ABHD17C: variants seen among roughly 807,000 people sequenced by gnomAD.
The protein encoded by ABHD17C is abhydrolase domain containing 17C, depalmitoylase.
ABHD17C carries 11 observed loss-of-function variants against 27.9 expected under a neutral mutation model. The observed-to-expected ratio is 0.39, with a 90% confidence interval of 0.25 to 0.65. The LOEUF (loss-of-function observed/expected upper bound fraction) is 0.65. Ranked by LOEUF, ABHD17C falls within the 30% of genes least tolerant of loss-of-function variation. The pLI is 0.45. For missense variants in ABHD17C, 280 were observed against 470.2 expected (o/e 0.60, Z 3.74); for synonymous variants, 233 against 209.1 (o/e 1.11, Z -0.98).
intron 1 of ABHD17C, among the ~76,000 whole-genome samples, chr15:80,734,710 A>G (rs972480): frequency 0.92 from 140,404 of 152,256 alleles, 64,743 homozygotes; most frequent in East Asian, 0.97. Flanking sequence ...AAAGTATTAC[A>G]TTCTTTTGAA....
intron 1 of ABHD17C, among the ~76,000 whole-genome samples, chr15:80,732,572 G>T (rs141729092): frequency 6.6e-6 from 1 of 152,176 alleles, no homozygotes; most frequent in East Asian, 1.9e-4. Context: ...TAAAAAGGAC[G>T]GGGTGGGGGG....
intron 1 of ABHD17C, among the ~76,000 whole-genome samples, chr15:80,733,532 T>G (rs1248205463): frequency 6.6e-6 from 1 of 152,146 alleles, no homozygotes; most frequent in African/African-American, 2.4e-5. Flanking sequence ...CACCTAGAGT[T>G]CAAGGACTGG....
intron 2 of ABHD17C, among the ~76,000 whole-genome samples, chr15:80,751,175 C>T (rs1429302065): frequency 6.7e-6 from 1 of 149,514 alleles, no homozygotes; most frequent in African/African-American, 2.4e-5. Flanking sequence ...CATGGTGAAA[C>T]CCCGTCTCTA....
At chr15:80,751,246 G>T (rs536802985) in intron 2 of ABHD17C, among the ~76,000 whole-genome samples, 7 of 152,044 alleles carry the variant, frequency 4.6e-5, no homozygotes, top group African/African-American at 1.7e-4. Flanking sequence ...TGTAATCCCA[G>T]CTACTGGGGA....
rs914147043 is a variant in ABHD17C at position 80,695,810 on chromosome 15, C to A, written c.381C>A (p.Cys127Ter). The A allele has an allele frequency of 6.4e-7, 1 of 1,559,568 alleles. No individual in the cohort carries two copies. The highest frequency in any genetic ancestry group is 8.6e-7 in the Non-Finnish European group (1 of 1,162,404). Reference sequence around the variant, plus strand: ...GGCTCGGCTGCATGTTCGTGCGCTGCGCGCCCTCCAGCCGCTACACGCTGC... The same window carrying A: ...GGCTCGGCTGCATGTTCGTGCGCTGAGCGCCCTCCAGCCGCTACACGCTGC... ...DNRLGCMFVRCAPSSRYTLLF... is the reference protein window; with the variant it reads ...DNRLGCMFVR Residue 127 changes from cysteine (C) to a stop codon, truncating the protein, a stop_gained, in exon 1 of 3, where the codon TGC (cysteine) becomes TGA (stop). Coordinates refer to ENST00000258884, the MANE Select transcript of ABHD17C (RefSeq NM_021214.2). LOFTEE classifies it high-confidence loss of function. The surrounding 1 kb of genome is among the most constrained non-coding windows in gnomAD (Gnocchi z 4.3).
At chr15:80,704,574 G>A (rs1853317) in intron 1 of ABHD17C, 130,540 of 148,364 alleles carry the variant, frequency 0.88, 57,506 homozygotes, top group East Asian at 0.93. Flanking sequence ...CAAAAAAAAA[G>A]AAAAGAAAAG....
At chr15:80,729,404 A>G (rs1294638066) in intron 1 of ABHD17C, among the ~76,000 whole-genome samples, 2 of 152,192 alleles carry the variant, frequency 1.3e-5, no homozygotes, top group Admixed American at 1.3e-4. Flanking sequence ...ATTGTTTCAC[A>G]TTTTTCAATC....
chr15:80,749,949 T>C (rs1043671437), intron 2 of ABHD17C, among the ~76,000 whole-genome samples: 59 of 152,152 alleles, frequency 3.9e-4, no homozygotes, highest in Non-Finnish European at 1.9e-4. Context: ...GGTTAATTGA[T>C]TGAGCTCTAA....
chr15:80,738,453 G>A (rs747892581), intron 1 of ABHD17C, among the ~76,000 whole-genome samples: 13 of 152,054 alleles, frequency 8.5e-5, no homozygotes, highest in Non-Finnish European at 1.6e-4. Flanking sequence ...CAAACTGTGC[G>A]GGTTCACAAA....
chr15:80,739,522 C>T (rs1895177106), intron 1 of ABHD17C, among the ~76,000 whole-genome samples: 1 of 152,084 alleles, frequency 6.6e-6, no homozygotes, highest in Admixed American at 6.5e-5. Context: ...GCTTGGTGCC[C>T]TCCCCATGGT....
Position 80,695,544 on chromosome 15 carries a change from G to A in ABHD17C, c.115G>A (p.Glu39Lys). The change falls in exon 1 of 3, where the codon GAG becomes AAG. Residue 39 changes from glutamate to lysine, a missense_variant. Around this residue, in one of 2 missense-constraint regions of ABHD17C, gnomAD observed 74 missense variants for 75.5 expected, o/e 0.98. Transcript: ENST00000258884. This position sits in a 1 kb window ranked among gnomAD's most constrained non-coding sequence, Gnocchi z 4.3. ...CGCCAAGCTGGCCTTCCTGCCGCCC[G>A]AGCCCACCTACACGGTGCTGGCGCC... is the stretch of plus-strand genomic sequence containing the variant. ...IAAKLAFLPP[E>K]PTYTVLAPEQ... is the part of the protein sequence containing the mutation. 1.5e-6 allele frequency: 2 copies of A among 1,352,668 alleles called. No individual in the cohort carries two copies. Among genetic ancestry groups the A allele is most frequent in the Non-Finnish European group, 1.9e-6 (2 of 1,038,140 alleles). The allele number at this position is 1,352,668 out of a possible 1,614,324, so 83.8% of individuals were successfully genotyped here.
At chr15:80,712,753 A>G (rs904424359) in intron 1 of ABHD17C, among the ~76,000 whole-genome samples, 9 of 152,204 alleles carry the variant, frequency 5.9e-5, no homozygotes, top group African/African-American at 1.9e-4. Flanking sequence ...ATATGCCTAT[A>G]CTTCAAGTGT....
intron 1 of ABHD17C, among the ~76,000 whole-genome samples, chr15:80,711,009 T>G (rs947968791): frequency 6.6e-6 from 1 of 152,082 alleles, no homozygotes; most frequent in East Asian, 1.9e-4. Context: ...AGCAATAGAA[T>G]TTAAGTCTAG....
chr15:80,721,711 G>C (rs184317081), intron 1 of ABHD17C, among the ~76,000 whole-genome samples: 4 of 152,242 alleles, frequency 2.6e-5, no homozygotes, highest in African/African-American at 9.6e-5. Flanking sequence ...AACCAGGTTG[G>C]GTTTCCTCTG....
chr15:80,721,908 A>G (rs1894902690), intron 1 of ABHD17C, among the ~76,000 whole-genome samples: 2 of 152,136 alleles, frequency 1.3e-5, no homozygotes, highest in African/African-American at 4.8e-5. Context: ...AGCACCAACT[A>G]AAAGTCTTAG....
At chr15:80,734,109 C>T (rs1472030524) in intron 1 of ABHD17C, among the ~76,000 whole-genome samples, 1 of 152,052 alleles carries the variant, frequency 6.6e-6, no homozygotes, top group Admixed American at 6.6e-5. Context: ...CTCAACCTCC[C>T]GAGTAGCTGG....
intron 1 of ABHD17C, among the ~76,000 whole-genome samples, chr15:80,705,333 TTGTGTGTGTGTGTGTG>T (rs1555421862): frequency 2.8e-5 from 3 of 106,822 alleles, no homozygotes; most frequent in Non-Finnish European, 3.8e-5. Context: ...TTCCTATGAT[TTGTGTGTGTGTGTGTG>T]TGTGTGTGTG....
intron 1 of ABHD17C, among the ~76,000 whole-genome samples, chr15:80,715,326 G>A (rs984559515): frequency 6.6e-6 from 1 of 152,238 alleles, no homozygotes; most frequent in African/African-American, 2.4e-5. Context: ...CTGAGGATTA[G>A]TAAACAGAAA....
intron 1 of ABHD17C, among the ~76,000 whole-genome samples, chr15:80,733,164 T>C (rs1359817807): frequency 6.6e-6 from 1 of 152,168 alleles, no homozygotes; most frequent in Non-Finnish European, 1.5e-5. Flanking sequence ...CTTCTTTCTA[T>C]GTCCTCTACG....
Sources: gnomAD v4.1 joint callset for allele counts (sites outside exome capture counted in the v4.1 genomes callset) on GRCh38, gnomAD v4.1.1 for gene constraint, gnomAD v4.1.1 regional missense constraint, Gnocchi (gnomAD v3.1) non-coding constraint, MANE v1.5 for transcripts, NCBI Gene and HGNC (gene_info 2026-07-23, HGNC 2026-07-21) for gene names.